UNC13B: variants seen among roughly 807,000 people sequenced by gnomAD.
UNC13B encodes unc-13 homolog B, also known as protein unc-13 homolog B.
A neutral mutation model predicts 211.0 loss-of-function variants in UNC13B; 144 were observed. The ratio of observed to expected loss-of-function variants is 0.68; its 90% CI spans 0.60 to 0.78. The LOEUF (loss-of-function observed/expected upper bound fraction) is 0.78, where lower values mean the gene tolerates loss of function less well. Among genes scored for constraint, UNC13B ranks in the 30% least tolerant of loss-of-function variants. The pLI is 0.00. For synonymous variants in UNC13B, 709 were observed against 725.8 expected, an observed-to-expected ratio of 0.98 and a Z score of 0.37; for missense variants, 1,777 against 2,002.0, an observed-to-expected ratio of 0.89 and a Z score of 2.14.
intron 1 of UNC13B, among the ~76,000 whole-genome samples, chr9:35,171,738 G>T (rs1821344137): frequency 6.6e-6 from 1 of 152,158 alleles, no homozygotes; most frequent in African/African-American, 2.4e-5. Context: ...ATGTTTGTCA[G>T]ATTCTTCCAC....
intron 11 of UNC13B, among the ~76,000 whole-genome samples, chr9:35,325,004 A>G (rs1830930972): frequency 6.6e-6 from 1 of 152,086 alleles, no homozygotes; most frequent in Non-Finnish European, 1.5e-5. Flanking sequence ...TTTTGTTCCC[A>G]TGCTTCCCAA....
intron 3 of UNC13B, among the ~76,000 whole-genome samples, chr9:35,233,433 T>A (rs1825320516): frequency 6.6e-6 from 1 of 152,210 alleles, no homozygotes; most frequent in Non-Finnish European, 1.5e-5. Flanking sequence ...CCTCTTCTTT[T>A]ACACGTGGGT....
At chr9:35,201,619 G>A (rs1823295653) in intron 1 of UNC13B, among the ~76,000 whole-genome samples, 1 of 152,180 alleles carries the variant, frequency 6.6e-6, no homozygotes, top group Non-Finnish European at 1.5e-5. Flanking sequence ...TAGTTTATTT[G>A]CATAGAGGTG....
chr9:35,220,430 C>A (rs1056728869), intron 1 of UNC13B, among the ~76,000 whole-genome samples: 1 of 151,380 alleles, frequency 6.6e-6, no homozygotes, highest in African/African-American at 2.4e-5. Context: ...CACTTCCCCC[C>A]CAACTACTCT....
At chr9:35,400,587 G>A in intron 37 of UNC13B, 144 bp downstream of exon 37, 1 of 976,880 alleles carries the variant, frequency 1.0e-6, no homozygotes, top group Non-Finnish European at 1.5e-6. Flanking sequence ...TTGCTTGATG[G>A]GACCTCAGTA....
Position 35,398,966 on chromosome 9 carries a change from C to T in UNC13B, c.12006C>T (p.Asp4002=), listed in dbSNP as rs746090267. 46 of 1,614,072 alleles carry T rather than the reference C, an allele frequency of 2.8e-5. No individual in the cohort carries two copies. In the Admixed American group the frequency reaches 4.7e-4, roughly 16 times the overall value. The change falls in exon 33 of 40, where the codon GAC becomes GAT. Residue 4002 remains aspartate, a synonymous_variant. Transcript: ENST00000635942. ...GGGGCACAGGGAATGCATCTCCAGA[C>T]GCCAGGGCCTCAGCGGCTCAGGATG... ...QVRGTGNASP[D]ARASAAQDAD...
intron 8 of UNC13B, among the ~76,000 whole-genome samples, chr9:35,298,562 C>T (rs188166252): frequency 4.5e-4 from 69 of 152,264 alleles, no homozygotes; most frequent in Admixed American, 1.5e-3. Flanking sequence ...TCAAGTGATC[C>T]TCCTGCCTTG....
At chr9:35,252,779 A>C (rs959443358) in intron 6 of UNC13B, among the ~76,000 whole-genome samples, 1 of 151,960 alleles carries the variant, frequency 6.6e-6, no homozygotes, top group Admixed American at 6.5e-5. Flanking sequence ...AAATACAAAA[A>C]ATTAGCCGGG....
chr9:35,353,050 C>A (rs910237514), intron 11 of UNC13B: 1 of 1,232,160 alleles, frequency 8.1e-7, no homozygotes. Context: ...AACTAGAGGA[C>A]CTTTTGGCAG....
chr9:35,243,369 G>A lies in UNC13B; in HGVS notation c.468+5G>A, dbSNP rs1825912768. ...GCCTTGGGAGCTGACAATGAGGTAG[G>A]AGCAGCCTTATTTGCAGTATAGAGA... is the stretch of plus-strand genomic sequence containing the variant. On this transcript the variant is annotated splice_donor_5th_base_variant and intron_variant, in intron 6 of 39. Transcript: ENST00000635942. 2 of 1,613,344 alleles carry A rather than the reference G, an allele frequency of 1.2e-6. No homozygotes were observed. Among genetic ancestry groups the A allele is most frequent in the South Asian group, 1.1e-5 (1 of 91,016 alleles).
chr9:35,177,219 G>A (rs901029115), intron 1 of UNC13B, among the ~76,000 whole-genome samples: 1 of 152,150 alleles, frequency 6.6e-6, no homozygotes, highest in African/African-American at 2.4e-5. Flanking sequence ...CAACCCAGGG[G>A]CGGAGATTTC....
chr9:35,311,396 T>A (rs1376852867), intron 10 of UNC13B, among the ~76,000 whole-genome samples: 4 of 152,208 alleles, frequency 2.6e-5, no homozygotes, highest in Non-Finnish European at 5.9e-5. Flanking sequence ...TTGAGCCAGG[T>A]TATTTCATCC....
At chr9:35,266,562 T>C (rs1827589224) in intron 7 of UNC13B, among the ~76,000 whole-genome samples, 1 of 152,084 alleles carries the variant, frequency 6.6e-6, no homozygotes. Context: ...GTTTAAAAAG[T>C]AAAAAAATAA....
chr9:35,189,995 C>G (rs549716684), intron 1 of UNC13B, among the ~76,000 whole-genome samples: 2 of 152,104 alleles, frequency 1.3e-5, no homozygotes, highest in Non-Finnish European at 2.9e-5. Context: ...TTGGATTACT[C>G]GTTTCAGGAT....
At chr9:35,181,307 A>T (rs1333443202) in intron 1 of UNC13B, among the ~76,000 whole-genome samples, 1 of 152,026 alleles carries the variant, frequency 6.6e-6, no homozygotes, top group Non-Finnish European at 1.5e-5. Flanking sequence ...TCTTAGAGCA[A>T]GTTGTTGGAT....
In UNC13B at chr9:35,308,215, C is replaced by G. The variant is rs1029775765; in HGVS notation, c.8811C>G (p.His2937Gln). 10 of 399,586 alleles carry G rather than the reference C, an allele frequency of 2.5e-5. No individual in the cohort carries two copies. The South Asian group carries it at 5.1e-4, about 20-fold the overall frequency. The allele number at this position is 399,586 out of a possible 1,614,324, so 24.8% of individuals were successfully genotyped here. ...NQQEISASGE[H>Q]WDTKANLSSP... Reference sequence around the variant, plus strand: ...AGGAAATCTCAGCATCTGGAGAACACTGGGATACCAAAGCCAACCTGTCTA... The same window carrying G: ...AGGAAATCTCAGCATCTGGAGAACAGTGGGATACCAAAGCCAACCTGTCTA... The change falls in exon 9 of 40, where the codon CAC (histidine) becomes CAG (glutamine). Residue 2937 changes from histidine to glutamine, a missense_variant. Physicochemically the swap from His to Gln is conservative, Grantham distance 24. Transcript: ENST00000635942.
chr9:35,305,360 G>A lies in UNC13B; in HGVS notation c.5956G>A (p.Gly1986Arg). 2.5e-6 allele frequency: 1 copy of A among 398,888 alleles called. No homozygotes were observed. The highest frequency in any genetic ancestry group is 4.4e-6 in the Non-Finnish European group (1 of 225,988). 24.7% of individuals were successfully genotyped at this position (398,888 alleles called of 1,614,324 possible). Residue 1986 changes from glycine to arginine, a missense_variant, in exon 9 of 40, where the codon GGG becomes AGG. Transcript: ENST00000635942. ...SGVSNFWGTLGDFFKANVSPI... is the reference protein window; with the variant it reads ...SGVSNFWGTLRDFFKANVSPI... Reference sequence around the variant, plus strand: ...TGTTTCAAATTTTTGGGGTACCCTTGGGGATTTCTTTAAAGCCAATGTATC... The same window carrying A: ...TGTTTCAAATTTTTGGGGTACCCTTAGGGATTTCTTTAAAGCCAATGTATC...
chr9:35,398,800 G>A, intron 32 of UNC13B, 82 bp from the exon 33 acceptor site: 1 of 1,579,288 alleles, frequency 6.3e-7, no homozygotes, highest in Non-Finnish European at 8.6e-7. Flanking sequence ...GAGCATATGG[G>A]AATGGGACCA....
At chr9:35,352,198 C>T (rs77338432) in intron 11 of UNC13B, 53,973 of 1,232,126 alleles carry the variant, frequency 0.044, 1,343 homozygotes, top group Non-Finnish European at 0.049. Context: ...TGTATTTGTA[C>T]GGACTTCCTG....
Sources: gnomAD v4.1 joint callset for allele counts (sites outside exome capture counted in the v4.1 genomes callset) on GRCh38, gnomAD v4.1.1 for gene constraint, MANE v1.5 for transcripts, NCBI Gene and HGNC (gene_info 2026-07-23, HGNC 2026-07-21) for gene names.